The following MICU1 variants were observed in gnomAD, a reference collection of about 807,000 sequenced individuals.
MICU1 encodes mitochondrial calcium uptake 1.
MICU1 carries 45 observed loss-of-function variants against 56.8 expected under a neutral mutation model. That is an observed-to-expected ratio of 0.79 (90% confidence interval 0.62 to 1.02). The LOEUF is 1.02. MICU1 is among the 50% of genes least tolerant of loss of function. The pLI is 0.00. For synonymous variants in MICU1, 186 were observed against 195.1 expected, an observed-to-expected ratio of 0.95 and a Z score of 0.39; for missense variants, 504 against 587.1, an observed-to-expected ratio of 0.86 and a Z score of 1.46.
At position 72,410,072 on chromosome 10, in the gene MICU1, C is replaced by T. The variant is rs1041143121; in HGVS notation, c.1072-2035G>A. On this transcript the variant is annotated intron_variant, in intron 9 of 11. Transcript: ENST00000361114. ...ATGTAAATAGCGTACTTACAAAAACCGTTGCTTAATTTTATCTGTTGTGGA... is the reference window on the plus strand; with the variant it reads ...ATGTAAATAGCGTACTTACAAAAACTGTTGCTTAATTTTATCTGTTGTGGA... Among the ~76,000 whole-genome samples the T allele has an allele frequency of 3.9e-5, 6 of 152,218 alleles. No individual in the cohort carries two copies. The East Asian group carries it at 7.7e-4, about 20-fold the overall frequency.
intron 6 of MICU1, among the ~76,000 whole-genome samples, chr10:72,490,180 T>C (rs1191427615): frequency 6.6e-6 from 1 of 152,150 alleles, no homozygotes; most frequent in Non-Finnish European, 1.5e-5. Flanking sequence ...TTTATATGCC[T>C]CCTCCCTCCA....
At chr10:72,539,212 G>A (rs1040896879) in intron 4 of MICU1, among the ~76,000 whole-genome samples, 11 of 152,088 alleles carry the variant, frequency 7.2e-5, no homozygotes, top group African/African-American at 2.7e-4. Flanking sequence ...AGAAACATCA[G>A]ATTTAAACTG....
At chr10:72,399,994 A>G (rs1863399063) in intron 10 of MICU1, among the ~76,000 whole-genome samples, 1 of 152,194 alleles carries the variant, frequency 6.6e-6, no homozygotes, top group South Asian at 2.1e-4. Flanking sequence ...TTGAACAAAA[A>G]GATTGACAGG....
chr10:72,523,920 C>G (rs1867895132), intron 5 of MICU1: 1 of 1,483,410 alleles, frequency 6.7e-7, no homozygotes, highest in African/African-American at 1.4e-5. Context: ...CTCAGAAAAG[C>G]AAAATAATAA....
chr10:72,494,109 T>C (rs897887426), intron 6 of MICU1, among the ~76,000 whole-genome samples: 2 of 152,158 alleles, frequency 1.3e-5, no homozygotes, highest in South Asian at 4.1e-4. Context: ...TGGTCTAAGC[T>C]TAGGAAAGAC....
rs148491171 is a variant in MICU1, at chr10:72,375,535, A to C, written c.1270+248T>G. ...TTCCATTTTTAAGATGCTTATGGTC[A>C]TAAATTAATTTAGGCCTATAGGCAT... On this transcript the variant is annotated intron_variant, in intron 11 of 11. Transcript: ENST00000361114. 3.9e-3 allele frequency among the ~76,000 whole-genome samples: 592 copies of C among 152,362 alleles called. 5 individuals carry two copies. Among genetic ancestry groups the C allele is most frequent in the African/African-American group, 0.014 (571 of 41,586 alleles).
In MICU1 at chr10:72,562,946, G is replaced by A. The variant is rs752556514; in HGVS notation, c.279C>T (p.Ala93=). The A allele has an allele frequency of 1.9e-6, 3 of 1,607,272 alleles. No homozygotes were observed. Among genetic ancestry groups the A allele is most frequent in the Admixed American group, 3.4e-5 (2 of 58,842 alleles). The part of the protein sequence containing the change: ...CNHEKKTADL[A]PHPEEKKKKR... ...TCTTCTTTTTCTCTTCTGGGTGAGG[G>A]GCAAGATCTGCAGTCTTTTTCTCAT... Residue 93 remains alanine (A), a synonymous_variant, in exon 3 of 12, where the codon GCC becomes GCT. Coordinates refer to ENST00000361114, the MANE Select transcript of MICU1 (RefSeq NM_001195518.2).
At chr10:72,383,060 A>AG (rs1862769068) in intron 10 of MICU1, among the ~76,000 whole-genome samples, 1 of 152,174 alleles carries the variant, frequency 6.6e-6, no homozygotes, top group South Asian at 2.1e-4. Flanking sequence ...TGGGCAATAG[A>AG]GGAAGACCTC....
chr10:72,622,544 A>G (rs1175109147), intron 1 of MICU1, among the ~76,000 whole-genome samples: 2 of 152,176 alleles, frequency 1.3e-5, no homozygotes, highest in African/African-American at 4.8e-5. Context: ...CTGTAGAGAA[A>G]GGGAAATTCT....
chr10:72,399,602 C>T (rs1337672333), intron 10 of MICU1, among the ~76,000 whole-genome samples: 6 of 151,772 alleles, frequency 4.0e-5, no homozygotes, highest in Non-Finnish European at 5.9e-5. Flanking sequence ...GCTGAGATCG[C>T]GCCACTGTAC....
At chr10:72,562,658 T>C in intron 3 of MICU1, 1 of 342,698 alleles carries the variant, frequency 2.9e-6, no homozygotes, top group Non-Finnish European at 5.2e-6. Context: ...GCAGTTGAAC[T>C]GAAAGAACTA....
chr10:72,583,383 C>T (rs902343377), intron 1 of MICU1, among the ~76,000 whole-genome samples: 2 of 151,624 alleles, frequency 1.3e-5, no homozygotes, highest in South Asian at 2.1e-4. Flanking sequence ...CAGGTTCAAG[C>T]GATTCTCCTG....
chr10:72,613,178 TTATC>T (rs1281841313), intron 1 of MICU1, among the ~76,000 whole-genome samples: 2 of 152,094 alleles, frequency 1.3e-5, no homozygotes, highest in African/African-American at 4.8e-5. Context: ...CTTCATCTAC[TTATC>T]TATATGGCTA....
chr10:72,476,692 C>T (rs1002392023), intron 7 of MICU1, among the ~76,000 whole-genome samples: 1 of 152,148 alleles, frequency 6.6e-6, no homozygotes. Context: ...TGGAGAAGCA[C>T]CATGGTTCTC....
intron 8 of MICU1, among the ~76,000 whole-genome samples, chr10:72,465,674 T>C (rs7909600): frequency 0.045 from 6,762 of 151,906 alleles, 407 homozygotes; most frequent in East Asian, 0.19. Context: ...CCACCACACC[T>C]GGCTAATTTT....
At chr10:72,556,974 G>A (rs949542613) in intron 3 of MICU1, among the ~76,000 whole-genome samples, 15 of 151,988 alleles carry the variant, frequency 9.9e-5, no homozygotes, top group African/African-American at 3.6e-4. Flanking sequence ...CTGAGGCAGG[G>A]AGAATCACTT....
chr10:72,525,683 T>G (rs114107746), intron 5 of MICU1, among the ~76,000 whole-genome samples: 5 of 152,194 alleles, frequency 3.3e-5, no homozygotes. Flanking sequence ...GAAAATCATA[T>G]ATATGATAGC....
chr10:72,607,366 C>T lies in MICU1; in HGVS notation c.-2+18644G>A, dbSNP rs146413935. Among the ~76,000 whole-genome samples, 412 of 145,458 alleles carry T rather than the reference C, an allele frequency of 2.8e-3. 2 individuals carry two copies. The highest frequency in any genetic ancestry group is 1.0e-2 in the African/African-American group (390 of 39,146). ...CAAAAAAAAAAAAAAGGGAGCTGGGCGCAGTGGCTCACGCCTGTAATCCCA... is the reference window on the plus strand; with the variant it reads ...CAAAAAAAAAAAAAAGGGAGCTGGGTGCAGTGGCTCACGCCTGTAATCCCA... On this transcript the variant is annotated intron_variant, in intron 1 of 11. Transcript: ENST00000361114.
chr10:72,497,529 T>C (rs1160113724), intron 6 of MICU1, among the ~76,000 whole-genome samples: 4 of 152,116 alleles, frequency 2.6e-5, no homozygotes, highest in Non-Finnish European at 5.9e-5. Flanking sequence ...AATGTGAAAA[T>C]GTGGGGCTCG....
Sources: gnomAD v4.1 joint callset for allele counts (sites outside exome capture counted in the v4.1 genomes callset) on GRCh38, gnomAD v4.1.1 for gene constraint, MANE v1.5 for transcripts, NCBI Gene and HGNC (gene_info 2026-07-23, HGNC 2026-07-21) for gene names.